PDE11A: variants seen among roughly 807,000 people sequenced by gnomAD.
PDE11A encodes phosphodiesterase 11A.
Under a neutral mutation model 100.5 loss-of-function variants are expected in PDE11A, and 100 were observed. The observed-to-expected ratio is 1.00, with a 90% CI of 0.85 to 1.18. The LOEUF is 1.18. Among genes scored for constraint, PDE11A ranks in the 50% most tolerant of loss-of-function variants. The pLI, the probability that PDE11A is intolerant of heterozygous loss-of-function variation, is 0.00. For missense variants in PDE11A, 1,141 were observed against 1,152.6 expected (o/e 0.99, Z 0.15); for synonymous variants, 381 against 420.8 (o/e 0.91, Z 1.16).
At chr2:177,640,590 T>C (rs2080127010) in intron 19 of PDE11A, among the ~76,000 whole-genome samples, 2 of 152,344 alleles carry the variant, frequency 1.3e-5, no homozygotes, top group Middle Eastern at 3.4e-3. Context: ...AATTAGTGAA[T>C]TGTTGAACTG....
intron 5 of PDE11A, among the ~76,000 whole-genome samples, chr2:177,867,452 G>A (rs1237958163): frequency 6.6e-6 from 1 of 152,142 alleles, no homozygotes; most frequent in Non-Finnish European, 1.5e-5. Context: ...AATATGGGCT[G>A]GGTGAGGTGG....
chr2:177,823,819 AT>A (rs2083184364), intron 6 of PDE11A, among the ~76,000 whole-genome samples: 1 of 152,180 alleles, frequency 6.6e-6, no homozygotes, highest in Admixed American at 6.6e-5. Context: ...GGAGCGACAC[AT>A]ATCATTGTAC....
intron 13 of PDE11A, 54 bp from the exon 14 acceptor site, chr2:177,701,265 C>G: frequency 2.3e-6 from 2 of 878,834 alleles, no homozygotes; most frequent in Non-Finnish European, 2.0e-6. Context: ...TCCCCCACAC[C>G]AGCTTTTTGG....
At position 178,072,744 on chromosome 2, in the gene PDE11A, T is replaced by A. The variant is rs529181083; in HGVS notation, c.-307A>T. On this transcript the variant is annotated 5_prime_UTR_variant, in exon 1 of 20. Coordinates refer to ENST00000286063, the MANE Select transcript of PDE11A (RefSeq NM_016953.4). ...GAGCTATCGCTGCTCCTGTTCTGGC[T>A]GCCGCCGCTGCTGCTGGAACTGCTG... 41 of 1,319,528 alleles carry A rather than the reference T, an allele frequency of 3.1e-5. No homozygotes were observed. The African/African-American group carries it at 5.8e-4, about 19-fold the overall frequency. The allele number at this position is 1,319,528 out of a possible 1,614,324, so 81.7% of individuals were successfully genotyped here.
chr2:177,819,914 C>CT (rs11409979), intron 7 of PDE11A, among the ~76,000 whole-genome samples: 51,158 of 141,176 alleles, frequency 0.36, 10,398 homozygotes, highest in African/African-American at 0.53. Context: ...CTCTCTCTGG[C>CT]TTTTTTTTTC....
intron 4 of PDE11A, among the ~76,000 whole-genome samples, chr2:177,879,335 C>T (rs910737245): frequency 2.0e-5 from 3 of 152,184 alleles, no homozygotes; most frequent in Admixed American, 6.6e-5. Context: ...TGCCACTCTG[C>T]GGTTTCTCTT....
intron 6 of PDE11A, among the ~76,000 whole-genome samples, chr2:177,836,999 G>T (rs1430195897): frequency 6.6e-6 from 1 of 152,156 alleles, no homozygotes; most frequent in African/African-American, 2.4e-5. Flanking sequence ...ATGAGACCAA[G>T]AACCCACCAA....
At chr2:177,799,654 A>G (rs2082756429) in intron 9 of PDE11A, among the ~76,000 whole-genome samples, 1 of 152,180 alleles carries the variant, frequency 6.6e-6, no homozygotes, top group South Asian at 2.1e-4. Flanking sequence ...CTAGTAGCTT[A>G]ACCATGCTTT....
chr2:178,104,258 T>C, intron 2 of PDE11A: 3 of 1,561,954 alleles, frequency 1.9e-6, no homozygotes, highest in East Asian at 4.5e-5. Context: ...CTTTATTCTT[T>C]CCTACAGTGT....
At chr2:177,648,260 C>T (rs1486614840) in intron 19 of PDE11A, among the ~76,000 whole-genome samples, 1 of 152,084 alleles carries the variant, frequency 6.6e-6, no homozygotes, top group Non-Finnish European at 1.5e-5. Flanking sequence ...CTGGAAGACC[C>T]GGTAGAAGGT....
At chr2:178,104,150 C>T (rs1227941483) in intron 2 of PDE11A, 2 of 724,542 alleles carry the variant, frequency 2.8e-6, no homozygotes, top group Non-Finnish European at 2.4e-6. Flanking sequence ...TATCCAAATG[C>T]AGGTCTTATG....
chr2:177,715,352 T>G (rs988312673), intron 12 of PDE11A, among the ~76,000 whole-genome samples: 8 of 152,216 alleles, frequency 5.3e-5, no homozygotes, highest in African/African-American at 1.7e-4. Context: ...GTTCAGCAAT[T>G]TCACAGAGAT....
intron 2 of PDE11A, among the ~76,000 whole-genome samples, chr2:177,920,383 C>CAA (rs199825902): frequency 6.6e-6 from 1 of 150,742 alleles, no homozygotes; most frequent in Non-Finnish European, 1.5e-5. Context: ...GGAAGTTTGC[C>CAA]AAAAAGAAAC....
chr2:177,728,159 G>A lies in PDE11A; in HGVS notation c.1802C>T (p.Pro601Leu). The stretch of plus-strand genomic sequence containing the variant: ...ATCGATGGCAAGTTCTGACACCAGA[G>A]GGATGTTGGCTGCCTAGAAAAGCAA... ...EVDKFKAANI[P>L]LVSELAIDDI... Residue 601 changes from proline to leucine, a missense_variant, in exon 11 of 20, where the codon CCT becomes CTT. By Grantham distance (98) the Pro-to-Leu change is moderately conservative. Coordinates refer to ENST00000286063, the MANE Select transcript of PDE11A (RefSeq NM_016953.4). The A allele has an allele frequency of 6.2e-7, 1 of 1,613,338 alleles. No individual in the cohort carries two copies. The highest frequency in any genetic ancestry group is 8.5e-7 in the Non-Finnish European group (1 of 1,179,548).
At chr2:177,942,512 C>T (rs1321939802) in intron 2 of PDE11A, among the ~76,000 whole-genome samples, 2 of 151,658 alleles carry the variant, frequency 1.3e-5, no homozygotes, top group Non-Finnish European at 2.9e-5. Flanking sequence ...AAGTGATTCT[C>T]CTGCCTCAGC....
At chr2:178,102,861 T>C (rs2087576252) in intron 2 of PDE11A, among the ~76,000 whole-genome samples, 2 of 151,778 alleles carry the variant, frequency 1.3e-5, no homozygotes, top group Admixed American at 1.3e-4. Flanking sequence ...ATGTGATTAA[T>C]TGAGATGAGG....
intron 3 of PDE11A, 43 bp from the exon 4 acceptor site, chr2:177,898,241 GA>G: frequency 4.9e-6 from 7 of 1,426,568 alleles, no homozygotes; most frequent in Non-Finnish European, 6.8e-6. Flanking sequence ...ATGTAAAACT[GA>G]AAAAAAGTTG....
chr2:177,745,892 C>T (rs2081940936), intron 10 of PDE11A, among the ~76,000 whole-genome samples: 1 of 152,134 alleles, frequency 6.6e-6, no homozygotes. Flanking sequence ...CTAGGGAGCC[C>T]AAGAGGTCCT....
At chr2:177,931,649 C>T (rs71423519) in intron 2 of PDE11A, among the ~76,000 whole-genome samples, 13,160 of 152,046 alleles carry the variant, frequency 0.087, 542 homozygotes, top group South Asian at 0.1. Flanking sequence ...GCAGCATAAG[C>T]AGTGTTAAGA....
Sources: gnomAD v4.1 joint callset for allele counts (sites outside exome capture counted in the v4.1 genomes callset) on GRCh38, gnomAD v4.1.1 for gene constraint, MANE v1.5 for transcripts, NCBI Gene and HGNC (gene_info 2026-07-23, HGNC 2026-07-21) for gene names.